The following HSD17B4 variants were observed in gnomAD, a reference collection of about 807,000 sequenced individuals.
HSD17B4 encodes the protein hydroxysteroid 17-beta dehydrogenase 4.
Under a neutral mutation model 101.0 loss-of-function variants are expected in HSD17B4, and 70 were observed. The observed-to-expected ratio is 0.69, with a 90% CI of 0.57 to 0.85. HSD17B4 has a LOEUF of 0.85. Among genes scored for constraint, HSD17B4 ranks in the 40% least tolerant of loss-of-function variants. The pLI is 0.00. For missense variants in HSD17B4, 984 were observed against 892.4 expected (o/e 1.10, Z -1.31); for synonymous variants, 347 against 297.1 (o/e 1.17, Z -1.73).
chr5:119,478,257 C>G (rs530300811), intron 7 of HSD17B4: 2 of 155,106 alleles, frequency 1.3e-5, no homozygotes, highest in African/African-American at 4.8e-5. Context: ...CTGTTGCACT[C>G]TAGTGCTGAG....
intron 11 of HSD17B4, among the ~76,000 whole-genome samples, chr5:119,495,416 C>T (rs1561459956): frequency 6.6e-6 from 1 of 152,136 alleles, no homozygotes; most frequent in Non-Finnish European, 1.5e-5. Flanking sequence ...CTTTCCAGAG[C>T]ATCTCTTCTA....
Position 119,456,354 on chromosome 5 carries a change from G to A in HSD17B4, c.98G>A (p.Gly33Glu), listed in dbSNP as rs780129984. The A allele has an allele frequency of 3.1e-6, 5 of 1,607,648 alleles. No homozygotes were observed. Among genetic ancestry groups the A allele is most frequent in the South Asian group, 1.1e-5 (1 of 90,932 alleles). ...TATGCCCTGGCTTTTGCAGAAAGAG[G>A]AGCGTTAGTTGTTGGTAAGTTGGTG... ...RAYALAFAER[G>E]ALVVVNDLGG... Residue 33 changes from glycine (G) to glutamate (E), a missense_variant, in exon 2 of 24, where the codon GGA becomes GAA. By Grantham distance (98) the Gly-to-Glu change is moderately conservative. Transcript: ENST00000510025.
intron 10 of HSD17B4, chr5:119,493,355 C>G (rs1194695935): frequency 6.2e-6 from 1 of 160,496 alleles, no homozygotes; most frequent in Non-Finnish European, 1.4e-5. Context: ...TTGGGGCCAC[C>G]TGTTACACTA....
chr5:119,455,990 T>G (rs1377606809), intron 1 of HSD17B4, among the ~76,000 whole-genome samples: 6 of 152,154 alleles, frequency 3.9e-5, no homozygotes, highest in Non-Finnish European at 5.9e-5. Context: ...GAACTCCCAG[T>G]AAGGTGGTCT....
chr5:119,510,189 A>C (rs1290109444), intron 16 of HSD17B4, among the ~76,000 whole-genome samples: 2 of 152,186 alleles, frequency 1.3e-5, no homozygotes, highest in Non-Finnish European at 2.9e-5. Flanking sequence ...AGCCTTGCTG[A>C]GTTAAGTATA....
At chr5:119,479,701 G>C (rs12189265) in intron 8 of HSD17B4, among the ~76,000 whole-genome samples, 1 of 151,906 alleles carries the variant, frequency 6.6e-6, no homozygotes, top group African/African-American at 2.4e-5. Flanking sequence ...GTAATATTCC[G>C]TGGTATGAAT....
chr5:119,499,814 A>G (rs1214011438), intron 13 of HSD17B4, among the ~76,000 whole-genome samples: 8 of 152,146 alleles, frequency 5.3e-5, no homozygotes, highest in Admixed American at 5.2e-4. Context: ...TCTCTCTGCC[A>G]TTTACTTGAT....
intron 4 of HSD17B4, among the ~76,000 whole-genome samples, chr5:119,474,714 C>A (rs1748409004): frequency 6.6e-6 from 1 of 151,804 alleles, no homozygotes; most frequent in South Asian, 2.1e-4. Context: ...TACTCAGTGC[C>A]CTTTTTAAAA....
intron 18 of HSD17B4, 52 bp from the exon 19 acceptor site, chr5:119,525,865 T>G (rs1753546146): frequency 7.5e-6 from 8 of 1,060,648 alleles, no homozygotes; most frequent in Non-Finnish European, 1.0e-5. Context: ...TACACTTGAT[T>G]TTTAAACTTT....
chr5:119,471,636 C>T, intron 2 of HSD17B4: 1 of 1,328,380 alleles, frequency 7.5e-7, no homozygotes, highest in Non-Finnish European at 1.0e-6. Flanking sequence ...ATTGTTACAG[C>T]TTTCAAAATC....
At chr5:119,522,558 C>T (rs944106668) in intron 17 of HSD17B4, among the ~76,000 whole-genome samples, 1 of 151,930 alleles carries the variant, frequency 6.6e-6, no homozygotes, top group Non-Finnish European at 1.5e-5. Context: ...TACCTCTGTG[C>T]GTTTTGTGGT....
At chr5:119,512,902 T>G (rs1004099540) in intron 16 of HSD17B4, among the ~76,000 whole-genome samples, 1 of 152,182 alleles carries the variant, frequency 6.6e-6, no homozygotes, top group African/African-American at 2.4e-5. Flanking sequence ...CTAAGTTGAT[T>G]CTGGTGATGG....
chr5:119,511,590 C>A (rs1752173224), intron 16 of HSD17B4, among the ~76,000 whole-genome samples: 1 of 152,040 alleles, frequency 6.6e-6, no homozygotes, highest in African/African-American at 2.4e-5. Context: ...GACAGTTTAA[C>A]AGAGAGACCA....
chr5:119,490,886 A>G (rs1046432681), intron 9 of HSD17B4, among the ~76,000 whole-genome samples: 1 of 152,106 alleles, frequency 6.6e-6, no homozygotes, highest in African/African-American at 2.4e-5. Flanking sequence ...CGTTTTATAC[A>G]CCCAAACACA....
At chr5:119,462,248 ATTTT>A (rs10524491) in intron 2 of HSD17B4, among the ~76,000 whole-genome samples, 6 of 30,038 alleles carry the variant, frequency 2.0e-4, no homozygotes, top group Non-Finnish European at 3.2e-4. Flanking sequence ...AACAAATGTG[ATTTT>A]TTTTTTTTTT....
intron 1 of HSD17B4, among the ~76,000 whole-genome samples, chr5:119,454,242 A>G (rs1340414074): frequency 1.3e-5 from 2 of 152,230 alleles, no homozygotes; most frequent in Admixed American, 6.5e-5. Context: ...CTAGACAGTT[A>G]TGAACTTAGC....
At chr5:119,525,055 A>T (rs933363879) in intron 17 of HSD17B4, among the ~76,000 whole-genome samples, 161 bp from the exon 18 acceptor site, 1 of 152,120 alleles carries the variant, frequency 6.6e-6, no homozygotes, top group Non-Finnish European at 1.5e-5. Flanking sequence ...ACATTTCATT[A>T]TAGGTAATCT....
At chr5:119,461,477 C>A (rs985415471) in intron 2 of HSD17B4, among the ~76,000 whole-genome samples, 1 of 152,156 alleles carries the variant, frequency 6.6e-6, no homozygotes, top group African/African-American at 2.4e-5. Flanking sequence ...CTCACAAACA[C>A]GTGGTTCTAT....
At chr5:119,473,527 C>T (rs1402880099) in intron 2 of HSD17B4, among the ~76,000 whole-genome samples, 1 of 151,744 alleles carries the variant, frequency 6.6e-6, no homozygotes, top group Non-Finnish European at 1.5e-5. Flanking sequence ...GCTATGTTGC[C>T]CAGGCTGGTG....
Sources: allele counts gnomAD v4.1 joint callset (sites outside exome capture counted in the v4.1 genomes callset), GRCh38; gene constraint gnomAD v4.1.1; transcripts MANE v1.5; gene names NCBI Gene and HGNC (gene_info 2026-07-23, HGNC 2026-07-21).